The following KYNU variants were observed in gnomAD, a reference collection of about 807,000 sequenced individuals.
KYNU encodes kynureninase.
In KYNU, 54 loss-of-function variants were observed where a neutral mutation model predicts 59.2. That is an observed-to-expected ratio of 0.91 (90% CI 0.73 to 1.14). The LOEUF (loss-of-function observed/expected upper bound fraction) is 1.14, where lower values mean the gene tolerates loss of function less well. KYNU is among the 50% of genes most tolerant of loss of function. The pLI is 0.00. For synonymous variants in KYNU, 177 were observed against 192.0 expected, an observed-to-expected ratio of 0.92 and a Z score of 0.65; for missense variants, 567 against 554.4, an observed-to-expected ratio of 1.02 and a Z score of -0.23.
At chr2:142,912,371 CTTTTTTT>C (rs60854220) in intron 2 of KYNU, among the ~76,000 whole-genome samples, 22,587 of 89,116 alleles carry the variant, frequency 0.25, 1,302 homozygotes, top group South Asian at 0.39. Flanking sequence ...TTTTGTATTT[CTTTTTTT>C]TTTTTTTTTT....
intron 10 of KYNU, among the ~76,000 whole-genome samples, chr2:143,006,579 C>T (rs982827958): frequency 3.4e-4 from 42 of 125,238 alleles, no homozygotes; most frequent in Non-Finnish European, 4.9e-4. Flanking sequence ...CTGCCTGCCT[C>T]TGTAGGCTCC....
chr2:142,936,015 C>T (rs1423664605), intron 4 of KYNU, among the ~76,000 whole-genome samples: 1 of 151,956 alleles, frequency 6.6e-6, no homozygotes, highest in Admixed American at 6.6e-5. Context: ...GAGAAGACAA[C>T]GAACGGGTTA....
chr2:143,025,334 T>A (rs1686520096), intron 10 of KYNU, among the ~76,000 whole-genome samples: 1 of 152,174 alleles, frequency 6.6e-6, no homozygotes, highest in Non-Finnish European at 1.5e-5. Context: ...CTTTTTTCAT[T>A]GTTCGTCACT....
chr2:143,016,003 C>G (rs992878660), intron 10 of KYNU, among the ~76,000 whole-genome samples: 1 of 152,188 alleles, frequency 6.6e-6, no homozygotes, highest in Non-Finnish European at 1.5e-5. Context: ...ATCTCCTTTC[C>G]TTTTTTTCTC....
chr2:142,946,209 G>T (rs919539331), intron 4 of KYNU, among the ~76,000 whole-genome samples: 1 of 151,444 alleles, frequency 6.6e-6, no homozygotes, highest in Non-Finnish European at 1.5e-5. Context: ...AGCTTCCCCC[G>T]AGTACCTGGG....
chr2:142,945,786 G>A (rs1165557005), intron 4 of KYNU, among the ~76,000 whole-genome samples: 5 of 149,426 alleles, frequency 3.3e-5, no homozygotes, highest in African/African-American at 1.2e-4. Context: ...CGCTCAGGCT[G>A]GAGTGCCGTG....
chr2:142,904,441 C>A (rs993032796), intron 2 of KYNU, among the ~76,000 whole-genome samples: 1 of 152,150 alleles, frequency 6.6e-6, no homozygotes, highest in Non-Finnish European at 1.5e-5. Flanking sequence ...GACTGAGATA[C>A]CAGAGATCAC....
At chr2:142,951,457 C>G (rs1354716901) in intron 4 of KYNU, among the ~76,000 whole-genome samples, 2 of 152,142 alleles carry the variant, frequency 1.3e-5, no homozygotes, top group Non-Finnish European at 2.9e-5. Context: ...CCTTGGGAGG[C>G]AGAGTTTGCA....
chr2:142,980,934 A>G (rs1450859820), intron 8 of KYNU, among the ~76,000 whole-genome samples: 1 of 152,174 alleles, frequency 6.6e-6, no homozygotes, highest in African/African-American at 2.4e-5. Flanking sequence ...TGGCTGTAGA[A>G]AGGTTTTGGA....
chr2:142,885,529 G>T lies in KYNU; in HGVS notation c.162G>T (p.Leu54=). 1 of 1,613,032 alleles carries T rather than the reference G, an allele frequency of 6.2e-7. No homozygotes were observed. Among genetic ancestry groups the T allele is most frequent in the South Asian group, 1.1e-5 (1 of 90,952 alleles). ...ECFYIPKIQD[L]PPVDLSLVNK... is the part of the protein sequence containing the mutation. Reference sequence around the variant, plus strand: ...TTTATATTCCCAAAATACAGGATCTGCCTCCAGGTAAGAATGCTGGGAAGG... The same window carrying T: ...TTTATATTCCCAAAATACAGGATCTTCCTCCAGGTAAGAATGCTGGGAAGG... The change falls in exon 2 of 14, where the codon CTG becomes CTT. Residue 54 remains leucine (L), a synonymous_variant. Coordinates refer to ENST00000264170, the MANE Select transcript of KYNU (RefSeq NM_003937.3).
chr2:142,967,431 A>G (rs890789502), intron 8 of KYNU: 2 of 152,098 alleles, frequency 1.3e-5, no homozygotes, highest in Admixed American at 6.6e-5. Context: ...TTTGGGTGCA[A>G]ACGTCTCACA....
intron 2 of KYNU, among the ~76,000 whole-genome samples, chr2:142,897,859 A>G (rs143628659): frequency 6.6e-6 from 1 of 152,316 alleles, no homozygotes; most frequent in African/African-American, 2.4e-5. Context: ...TATGGAGGAA[A>G]ATATGTTAAA....
At chr2:142,986,764 T>C (rs1241757176) in intron 10 of KYNU, among the ~76,000 whole-genome samples, 1 of 151,734 alleles carries the variant, frequency 6.6e-6, no homozygotes, top group Non-Finnish European at 1.5e-5. Flanking sequence ...GTATGTGTGG[T>C]GAGGAGACTG....
At chr2:142,999,844 G>A (rs1234227120) in intron 10 of KYNU, among the ~76,000 whole-genome samples, 2 of 151,990 alleles carry the variant, frequency 1.3e-5, no homozygotes, top group Non-Finnish European at 1.5e-5. Flanking sequence ...TCATCTTCTT[G>A]TTATAGTAAT....
At chr2:142,901,461 AC>A (rs1327087326) in intron 2 of KYNU, among the ~76,000 whole-genome samples, 1 of 151,586 alleles carries the variant, frequency 6.6e-6, no homozygotes, top group Non-Finnish European at 1.5e-5. Flanking sequence ...TAGCTTTAAT[AC>A]CCGCTTGGCA....
chr2:143,004,051 T>TAA (rs1322696179), intron 10 of KYNU, among the ~76,000 whole-genome samples: 2 of 152,234 alleles, frequency 1.3e-5, no homozygotes, highest in Non-Finnish European at 2.9e-5. Flanking sequence ...ACAGATTACT[T>TAA]AATATGCCTA....
intron 2 of KYNU, among the ~76,000 whole-genome samples, chr2:142,888,359 G>A (rs563109508): frequency 2.6e-5 from 4 of 152,272 alleles, no homozygotes; most frequent in Middle Eastern, 6.8e-3. Flanking sequence ...TCTGGAGGCT[G>A]AAGTGGGAGG....
intron 3 of KYNU, 57 bp from the exon 4 acceptor site, chr2:142,927,602 T>G: frequency 1.6e-6 from 2 of 1,215,930 alleles, no homozygotes; most frequent in Non-Finnish European, 2.4e-6. Context: ...ATATTTGAAA[T>G]AATCACACAC....
rs182439167 is a variant in KYNU at position 142,992,698 on chromosome 2, A to T, written c.902+6677A>T. On this transcript the variant is annotated intron_variant, in intron 10 of 13. Coordinates refer to ENST00000264170, the MANE Select transcript of KYNU (RefSeq NM_003937.3). ...TGGTAAAACTTGCATTTTATCTCAC[A>T]TAGGTATCTTTCTAAGGTAATCTTC... 3.0e-4 allele frequency among the ~76,000 whole-genome samples: 45 copies of T among 152,116 alleles called. 1 individual carries two copies. The highest frequency in any genetic ancestry group is 2.0e-3 in the Admixed American group (31 of 15,254).
Sources: allele counts gnomAD v4.1 joint callset (sites outside exome capture counted in the v4.1 genomes callset), GRCh38; gene constraint gnomAD v4.1.1; transcripts MANE v1.5; gene names NCBI Gene and HGNC (gene_info 2026-07-23, HGNC 2026-07-21).